TASP1: variants seen among roughly 807,000 people sequenced by gnomAD.
The protein encoded by TASP1 is threonine aspartase 1.
TASP1 carries 16 observed loss-of-function variants against 56.6 expected under a neutral mutation model. The observed-to-expected ratio is 0.28, with a 90% CI of 0.19 to 0.43. The LOEUF (loss-of-function observed/expected upper bound fraction) is 0.43, where lower values mean the gene tolerates loss of function less well. Among genes scored for constraint, TASP1 ranks in the 20% least tolerant of loss-of-function variants. The pLI is 1.00. For missense variants in TASP1, 393 were observed against 511.6 expected (o/e 0.77, Z 2.24); for synonymous variants, 179 against 184.2 (o/e 0.97, Z 0.23).
At chr20:13,556,305 C>T (rs1237384878) in intron 8 of TASP1, among the ~76,000 whole-genome samples, 1 of 152,128 alleles carries the variant, frequency 6.6e-6, no homozygotes, top group Admixed American at 6.5e-5. Flanking sequence ...ATCTCCATCC[C>T]TATCACCTAC....
chr20:13,271,088 A>C, the TASP1 span, among the ~76,000 whole-genome samples: 1 of 152,208 alleles, frequency 6.6e-6, no homozygotes, highest in Non-Finnish European at 1.5e-5. Context: ...AACAAAACAA[A>C]ATTGATGAAA....
chr20:13,392,541 A>T (rs1170922172), intron 13 of TASP1: 1 of 258,132 alleles, frequency 3.9e-6, no homozygotes, highest in African/African-American at 2.3e-5. Context: ...ACTACTCCGG[A>T]AATGCTGAGT....
chr20:13,471,158 G>A (rs929792252), intron 11 of TASP1, among the ~76,000 whole-genome samples: 4 of 152,210 alleles, frequency 2.6e-5, no homozygotes, highest in Non-Finnish European at 4.4e-5. Flanking sequence ...AACCAGAGTA[G>A]GAGGGCAGGA....
At chr20:13,345,233 T>C in the TASP1 span, among the ~76,000 whole-genome samples, 1 of 152,252 alleles carries the variant, frequency 6.6e-6, no homozygotes, top group African/African-American at 2.4e-5. Context: ...TTCTGTTTAG[T>C]CCTGATTTGT....
At chr20:13,528,174 G>GATC (rs1466613828) in intron 10 of TASP1, among the ~76,000 whole-genome samples, 1 of 121,564 alleles carries the variant, frequency 8.2e-6, no homozygotes, top group Non-Finnish European at 1.6e-5. Flanking sequence ...AGTGAGCCAA[G>GATC]ATCGCACCAC....
intron 5 of TASP1, among the ~76,000 whole-genome samples, chr20:13,583,090 A>G (rs1039292966): frequency 6.6e-6 from 1 of 152,162 alleles, no homozygotes; most frequent in African/African-American, 2.4e-5. Context: ...AAAGAATGAG[A>G]CCATACTCCA....
At chr20:13,509,159 G>A (rs561196479) in intron 10 of TASP1, among the ~76,000 whole-genome samples, 3 of 151,602 alleles carry the variant, frequency 2.0e-5, no homozygotes, top group Non-Finnish European at 4.4e-5. Context: ...GTGTGTGTGT[G>A]TGTGATTTAG....
At chr20:13,482,082 AT>A (rs1375686496) in intron 11 of TASP1, among the ~76,000 whole-genome samples, 1 of 151,938 alleles carries the variant, frequency 6.6e-6, no homozygotes, top group Non-Finnish European at 1.5e-5. Flanking sequence ...GTCTGTTTTG[AT>A]TTGATTTTTG....
the TASP1 span, among the ~76,000 whole-genome samples, chr20:13,286,505 G>A: frequency 6.6e-6 from 1 of 152,184 alleles, no homozygotes; most frequent in Non-Finnish European, 1.5e-5. Flanking sequence ...CTGAGTGGTT[G>A]GAAAACCATT....
the TASP1 span, among the ~76,000 whole-genome samples, chr20:13,372,072 T>C: frequency 6.6e-6 from 1 of 152,224 alleles, no homozygotes; most frequent in African/African-American, 2.4e-5. Context: ...AGCATATAAT[T>C]GCATCTTGTT....
rs144339682 is a variant in TASP1, at chr20:13,495,519, T to C, written c.875-12182A>G. Among the ~76,000 whole-genome samples the C allele has an allele frequency of 3.1e-3, 478 of 152,178 alleles. 1 individual carries two copies. The highest frequency in any genetic ancestry group is 5.3e-3 in the Non-Finnish European group (360 of 67,996). On this transcript the variant is annotated intron_variant, in intron 10 of 13. Coordinates refer to ENST00000337743, the MANE Select transcript of TASP1 (RefSeq NM_017714.3). ...TTTATTCTCTACATCTGGGTAGAAT[T>C]TAAGGAATATCAATACAGAAATTGT...
chr20:13,118,937 A>C, the TASP1 span, among the ~76,000 whole-genome samples: 2 of 152,238 alleles, frequency 1.3e-5, no homozygotes, highest in Non-Finnish European at 2.9e-5. Context: ...TTCAATAAGC[A>C]CTGCTTTCTT....
At chr20:13,542,893 C>T (rs967656430) in intron 8 of TASP1, among the ~76,000 whole-genome samples, 1 of 151,414 alleles carries the variant, frequency 6.6e-6, no homozygotes, top group Admixed American at 6.6e-5. Flanking sequence ...AATAAGCTAA[C>T]TATCCAACAA....
chr20:13,160,328 A>T, the TASP1 span, among the ~76,000 whole-genome samples: 2 of 152,240 alleles, frequency 1.3e-5, no homozygotes, highest in Non-Finnish European at 2.9e-5. Context: ...GATAGAAATG[A>T]AAATCAGTTT....
At chr20:13,365,648 CGAGGGGAGAGCTGACAAAAAAGA>C in the TASP1 span, among the ~76,000 whole-genome samples, 2 of 151,904 alleles carry the variant, frequency 1.3e-5, no homozygotes, top group Non-Finnish European at 2.9e-5. Flanking sequence ...GCCGCAGTGG[CGAGGGGAGAGCTGACAAAAAAGA>C]GAGGGGAGAG....
chr20:13,324,353 T>C, the TASP1 span, among the ~76,000 whole-genome samples: 1 of 152,264 alleles, frequency 6.6e-6, no homozygotes, highest in East Asian at 1.9e-4. Flanking sequence ...TATAACTAAA[T>C]GTGAGGTGTG....
chr20:13,528,914 C>G (rs572560119), intron 9 of TASP1, among the ~76,000 whole-genome samples: 2 of 152,158 alleles, frequency 1.3e-5, no homozygotes, highest in South Asian at 2.1e-4. Context: ...TGATAAGAAC[C>G]CTGATTCCTG....
intron 12 of TASP1, among the ~76,000 whole-genome samples, chr20:13,418,768 T>C (rs1473028780): frequency 6.6e-6 from 1 of 152,224 alleles, no homozygotes; most frequent in Non-Finnish European, 1.5e-5. Flanking sequence ...ATCAGTACCA[T>C]GTGCCTTTTG....
chr20:13,270,638 G>C, the TASP1 span: 2 of 1,613,942 alleles, frequency 1.2e-6, no homozygotes, highest in South Asian at 1.1e-5. Flanking sequence ...AAGAGACGGG[G>C]CACCCTTCAT....
Sources: gnomAD v4.1 joint callset for allele counts (sites outside exome capture counted in the v4.1 genomes callset) on GRCh38, gnomAD v4.1.1 for gene constraint, MANE v1.5 for transcripts, NCBI Gene and HGNC (gene_info 2026-07-23, HGNC 2026-07-21) for gene names.